Variants in NWD2 observed in about 807,000 individuals in gnomAD.
The protein encoded by NWD2 is NACHT and WD repeat domain containing 2, also known as NACHT and WD repeat domain-containing protein 2.
Under a neutral mutation model 132.7 loss-of-function variants are expected in NWD2, and 37 were observed. That is an observed-to-expected ratio of 0.28 (90% CI 0.21 to 0.37). The LOEUF (loss-of-function observed/expected upper bound fraction) is 0.37, where lower values mean the gene tolerates loss of function less well. Ranked by LOEUF, NWD2 falls within the 10% of genes least tolerant of loss-of-function variation. The pLI, the probability that NWD2 is intolerant of heterozygous loss-of-function variation, is 1.00. For missense variants in NWD2, 1,592 were observed against 2,122.4 expected, an observed-to-expected ratio of 0.75 and a Z score of 4.91; for synonymous variants, 705 against 803.0, an observed-to-expected ratio of 0.88 and a Z score of 2.06.
At chr4:37,333,086 A>G (rs1285984336) in intron 2 of NWD2, among the ~76,000 whole-genome samples, 1 of 152,182 alleles carries the variant, frequency 6.6e-6, no homozygotes, top group Non-Finnish European at 1.5e-5. Context: ...ATAGAAGATC[A>G]GGTAGAATTC....
chr4:37,250,950 A>G (rs913754260), intron 1 of NWD2, among the ~76,000 whole-genome samples: 6 of 152,258 alleles, frequency 3.9e-5, no homozygotes, highest in Non-Finnish European at 7.3e-5. Context: ...AAGGGTAAGT[A>G]TTTGTGTATC....
At chr4:37,427,748 C>A (rs973013590) in intron 3 of NWD2, among the ~76,000 whole-genome samples, 10 of 152,116 alleles carry the variant, frequency 6.6e-5, no homozygotes, top group African/African-American at 2.2e-4. Flanking sequence ...AGCTTTGAGG[C>A]AGTGAATTCA....
Position 37,417,133 on chromosome 4 carries a change from A to G in NWD2, c.358-13439A>G, listed in dbSNP as rs548704053. Among the ~76,000 whole-genome samples the G allele has an allele frequency of 3.3e-5, 5 of 152,284 alleles. No individual in the cohort carries two copies. The East Asian group carries it at 9.6e-4, about 29-fold the overall frequency. Reference sequence around the variant, plus strand: ...TTAAAAAATAAATAAAATTTAGAATATATTTCTCTTAAAATTTTTTTAAAA... The same window carrying G: ...TTAAAAAATAAATAAAATTTAGAATGTATTTCTCTTAAAATTTTTTTAAAA... On this transcript the variant is annotated intron_variant, in intron 3 of 6. Transcript: ENST00000309447.
At chr4:37,325,776 G>C (rs1370829157) in intron 1 of NWD2, among the ~76,000 whole-genome samples, 160 bp from the exon 2 acceptor site, 1 of 151,912 alleles carries the variant, frequency 6.6e-6, no homozygotes, top group African/African-American at 2.4e-5. Context: ...TGGAATTAGG[G>C]GGCAGGTCTA....
chr4:37,291,790 C>T (rs1474780363), intron 1 of NWD2, among the ~76,000 whole-genome samples: 2 of 152,002 alleles, frequency 1.3e-5, no homozygotes. Flanking sequence ...TTCAATAAGA[C>T]CAGTTATATA....
intron 2 of NWD2, among the ~76,000 whole-genome samples, chr4:37,333,321 A>C (rs940287506): frequency 1.8e-4 from 27 of 152,172 alleles, no homozygotes; most frequent in African/African-American, 6.5e-4. Flanking sequence ...CTAACCTAGC[A>C]TAGTCCCAGT....
intron 1 of NWD2, among the ~76,000 whole-genome samples, chr4:37,265,733 C>T (rs143649866): frequency 3.3e-5 from 5 of 152,070 alleles, no homozygotes; most frequent in Non-Finnish European, 7.4e-5. Flanking sequence ...GATCCTTATG[C>T]CTCCCTCTTA....
At chr4:37,322,202 A>G (rs970569503) in intron 1 of NWD2, among the ~76,000 whole-genome samples, 3 of 152,166 alleles carry the variant, frequency 2.0e-5, no homozygotes, top group African/African-American at 7.2e-5. Context: ...GAGTGAGACA[A>G]AAGAAGCTTT....
At chr4:37,285,986 C>G (rs1456381859) in intron 1 of NWD2, among the ~76,000 whole-genome samples, 1 of 152,206 alleles carries the variant, frequency 6.6e-6, no homozygotes, top group Non-Finnish European at 1.5e-5. Flanking sequence ...ATGACACCAA[C>G]TGACATTAGG....
chr4:37,270,238 T>C (rs1717840253), intron 1 of NWD2, among the ~76,000 whole-genome samples: 1 of 151,848 alleles, frequency 6.6e-6, no homozygotes, highest in Non-Finnish European at 1.5e-5. Flanking sequence ...TCAGGAATAG[T>C]TATTAGCGTA....
At chr4:37,273,365 CA>C (rs1337479024) in intron 1 of NWD2, among the ~76,000 whole-genome samples, 1 of 152,012 alleles carries the variant, frequency 6.6e-6, no homozygotes, top group Non-Finnish European at 1.5e-5. Flanking sequence ...GGGATCAATT[CA>C]ACAAGAAGAG....
intron 1 of NWD2, among the ~76,000 whole-genome samples, chr4:37,265,792 T>C (rs931889701): frequency 5.9e-5 from 9 of 152,118 alleles, no homozygotes; most frequent in Non-Finnish European, 1.3e-4. Context: ...TCCAAAATAG[T>C]CTCCCCATTT....
chr4:37,271,385 A>G (rs761468912), intron 1 of NWD2, among the ~76,000 whole-genome samples: 6 of 151,888 alleles, frequency 4.0e-5, no homozygotes, highest in Non-Finnish European at 8.8e-5. Flanking sequence ...ATATCTGAAC[A>G]GTGTATTGTA....
At chr4:37,394,838 C>T (rs182392787) in intron 3 of NWD2, among the ~76,000 whole-genome samples, 50 of 43,196 alleles carry the variant, frequency 1.2e-3, no homozygotes, top group Admixed American at 4.3e-3. Context: ...TGAGGCAGAG[C>T]CTCCCTCCAC....
intron 3 of NWD2, among the ~76,000 whole-genome samples, chr4:37,416,667 G>C (rs959536192): frequency 6.6e-6 from 1 of 152,130 alleles, no homozygotes; most frequent in Non-Finnish European, 1.5e-5. Flanking sequence ...ATTTATAGCA[G>C]CACAATTTGC....
intron 2 of NWD2, among the ~76,000 whole-genome samples, chr4:37,347,465 C>T (rs1385261117): frequency 6.6e-6 from 1 of 151,914 alleles, no homozygotes; most frequent in Non-Finnish European, 1.5e-5. Flanking sequence ...TAATTTATAC[C>T]AATTAAATTA....
intron 1 of NWD2, among the ~76,000 whole-genome samples, chr4:37,324,032 A>G (rs746843384): frequency 6.6e-5 from 10 of 152,148 alleles, no homozygotes; most frequent in African/African-American, 1.2e-4. Context: ...GACACTGTGG[A>G]CAGCTAGTGG....
At chr4:37,433,777 C>T in intron 4 of NWD2, 99 bp from the exon 5 acceptor site, 1 of 850,124 alleles carries the variant, frequency 1.2e-6, no homozygotes, top group Non-Finnish European at 1.8e-6. Flanking sequence ...ATAGTATTGG[C>T]ACATAGTAGG....
intron 2 of NWD2, among the ~76,000 whole-genome samples, chr4:37,348,661 T>TAC (rs1274058535): frequency 1.3e-5 from 1 of 74,206 alleles, no homozygotes; most frequent in African/African-American, 4.5e-5. Flanking sequence ...TATATATATA[T>TAC]ATATATATAT....
Sources: gnomAD v4.1 joint callset for allele counts (sites outside exome capture counted in the v4.1 genomes callset) on GRCh38, gnomAD v4.1.1 for gene constraint, MANE v1.5 for transcripts, NCBI Gene and HGNC (gene_info 2026-07-23, HGNC 2026-07-21) for gene names.